The following JMY variants were observed in gnomAD, a reference collection of about 807,000 sequenced individuals.
JMY encodes junction-mediating and -regulatory protein.
JMY carries 46 observed loss-of-function variants against 103.3 expected under a neutral mutation model. The observed-to-expected ratio is 0.45, with a 90% confidence interval of 0.35 to 0.57. The LOEUF (loss-of-function observed/expected upper bound fraction) is 0.57, where lower values mean the gene tolerates loss of function less well. Ranked by LOEUF, JMY falls within the 20% of genes least tolerant of loss-of-function variation. JMY has a pLI of 0.00. For synonymous variants in JMY, 526 were observed against 489.3 expected, an observed-to-expected ratio of 1.07 and a Z score of -0.99; for missense variants, 1,238 against 1,255.2, an observed-to-expected ratio of 0.99 and a Z score of 0.21.
intron 1 of JMY, among the ~76,000 whole-genome samples, chr5:79,265,576 G>C (rs1189042550): frequency 6.6e-6 from 1 of 151,680 alleles, no homozygotes; most frequent in East Asian, 1.9e-4. Context: ...ATTGAACTCT[G>C]TAGACTAAAG....
intron 1 of JMY, among the ~76,000 whole-genome samples, chr5:79,242,812 C>G (rs552568475): frequency 1.4e-5 from 2 of 147,144 alleles, no homozygotes; most frequent in Admixed American, 1.4e-4. Flanking sequence ...AAGACAGTGT[C>G]TCACTCTGTT....
At chr5:79,304,190 T>G (rs911942762) in intron 6 of JMY, among the ~76,000 whole-genome samples, 1 of 152,018 alleles carries the variant, frequency 6.6e-6, no homozygotes, top group African/African-American at 2.4e-5. Flanking sequence ...GCCCAGCAAC[T>G]GAGGTGGCAG....
chr5:79,291,194 T>C lies in JMY; in HGVS notation c.1422T>C (p.Ala474=). ...KFGKASWAAA[A]ERMEKLQYAV... ...GTAAAGCATCATGGGCAGCGGCTGC[T>C]GAACGGATGGAAAAACTCCAGTATG... Residue 474 remains alanine (A), a synonymous_variant, in exon 4 of 11, where the codon GCT becomes GCC. Transcript: ENST00000396137. The C allele has an allele frequency of 6.2e-7, 1 of 1,613,460 alleles. No homozygotes were observed. The highest frequency in any genetic ancestry group is 8.5e-7 in the Non-Finnish European group (1 of 1,179,730).
In JMY at chr5:79,236,630, C is replaced by T. The variant is rs1744510552; in HGVS notation, c.-21C>T. On this transcript the variant is annotated 5_prime_UTR_variant, in exon 1 of 11. Coordinates refer to ENST00000396137, the MANE Select transcript of JMY (RefSeq NM_152405.5). ...GGGCCGGGCCGGCGGCCCTTCCCCG[C>T]GGCGAGAAGCCGGAGCCACCATGTC... The T allele has an allele frequency of 1.5e-6, 2 of 1,368,276 alleles. No individual in the cohort carries two copies. The highest frequency in any genetic ancestry group is 1.5e-5 in the African/African-American group (1 of 67,256). The allele number at this position is 1,368,276 out of a possible 1,614,324, so 84.8% of individuals were successfully genotyped here.
chr5:79,284,027 C>T, intron 2 of JMY: 1 of 706,880 alleles, frequency 1.4e-6, no homozygotes, highest in Non-Finnish European at 2.2e-6. Context: ...AGATATTAAT[C>T]CAACAGCAAG....
At chr5:79,314,064 G>A (rs1445201032) in intron 8 of JMY, among the ~76,000 whole-genome samples, 193 bp from the exon 9 acceptor site, 6 of 152,246 alleles carry the variant, frequency 3.9e-5, no homozygotes, top group Non-Finnish European at 7.4e-5. Flanking sequence ...TCACCATGTC[G>A]GCCAGGCTGG....
chr5:79,257,289 A>G (rs911626288), intron 1 of JMY, among the ~76,000 whole-genome samples: 7 of 152,092 alleles, frequency 4.6e-5, no homozygotes, highest in African/African-American at 9.7e-5. Flanking sequence ...TTCCCTATAG[A>G]AAGTCATTTC....
rs1744572119 is a variant in JMY at position 79,237,781 on chromosome 5, C to T, written c.1032+99C>T. ...TCGGTGTCGGGTGTGCGCAGTAGGA[C>T]GGTTGTTTTTCTGGACAAGCGGAAA... is the stretch of plus-strand genomic sequence containing the variant. On this transcript the variant is annotated intron_variant, in intron 1 of 10. Transcript: ENST00000396137. 3.6e-6 allele frequency: 4 copies of T among 1,096,414 alleles called. No homozygotes were observed. In the East Asian group the frequency reaches 1.0e-4, roughly 28 times the overall value. 67.9% of individuals were successfully genotyped at this position (1,096,414 alleles called of 1,614,324 possible).
intron 1 of JMY, among the ~76,000 whole-genome samples, chr5:79,266,309 T>C (rs1021268960): frequency 6.6e-6 from 1 of 152,258 alleles, no homozygotes; most frequent in Non-Finnish European, 1.5e-5. Flanking sequence ...AATGTCTACC[T>C]AGTGGTAGAA....
rs534991439 is a variant in JMY, at chr5:79,253,441, C to T, written c.1032+15759C>T. Among the ~76,000 whole-genome samples the T allele has an allele frequency of 9.9e-5, 15 of 152,034 alleles. No homozygotes were observed. In the South Asian group the frequency reaches 2.3e-3, roughly 23 times the overall value. On this transcript the variant is annotated intron_variant, in intron 1 of 10. Transcript: ENST00000396137. ...CTGAGTAGTTGGGATTACAGGCATC[C>T]GCCACCAAGCCCAGCTGGTTTTTTG...
chr5:79,281,932 G>T (rs1038735693), intron 2 of JMY, among the ~76,000 whole-genome samples: 1 of 152,156 alleles, frequency 6.6e-6, no homozygotes, highest in Non-Finnish European at 1.5e-5. Flanking sequence ...TAGGCCAGGT[G>T]TAGTGGCTCA....
Position 79,237,630 on chromosome 5 carries a change from G to A in JMY, c.980G>A (p.Arg327Gln), listed in dbSNP as rs1424738372. The change falls in exon 1 of 11, where the codon CGG (arginine) becomes CAG (glutamine). Residue 327 changes from arginine to glutamine, a missense_variant. Transcript: ENST00000396137. ...EEYYESLSELRQKGYEEVLQR... is the reference protein window; with the variant it reads ...EEYYESLSELQQKGYEEVLQR... ...TATTACGAAAGCCTCAGCGAGCTGC[G>A]GCAGAAGGGCTACGAAGAAGTGCTT... 2 of 1,613,756 alleles carry A rather than the reference G, an allele frequency of 1.2e-6. No individual in the cohort carries two copies. Among genetic ancestry groups the A allele is most frequent in the South Asian group, 1.1e-5 (1 of 91,070 alleles).
rs772760305 is a variant in JMY at position 79,314,625 on chromosome 5, ACCACCTCCC to A, written c.2442_2450del (p.Pro823_Pro825del). On this transcript the variant is annotated inframe_deletion, in exon 9 of 11. Transcript: ENST00000396137. The stretch of plus-strand genomic sequence containing the variant: ...TCCCATCCCCTCTTCCTCCAACACC[ACCACCTCCC>A]CCACCTCCTCCCCCTCCCCCACCAC... 8.0e-6 allele frequency: 11 copies of A among 1,367,416 alleles called. No individual in the cohort carries two copies. Among genetic ancestry groups the A allele is most frequent in the South Asian group, 1.2e-5 (1 of 85,600 alleles). 84.7% of individuals were successfully genotyped at this position (1,367,416 alleles called of 1,614,324 possible).
At chr5:79,280,546 A>G (rs1746075224) in intron 2 of JMY, among the ~76,000 whole-genome samples, 1 of 152,206 alleles carries the variant, frequency 6.6e-6, no homozygotes, top group African/African-American at 2.4e-5. Context: ...AAAATGCCCC[A>G]TCAATCATGA....
chr5:79,246,345 A>G (rs1324242518), intron 1 of JMY, among the ~76,000 whole-genome samples: 4 of 152,182 alleles, frequency 2.6e-5, no homozygotes, highest in Non-Finnish European at 4.4e-5. Context: ...CAAGTTTTCA[A>G]TAACTGCAAT....
At chr5:79,238,406 A>C (rs1744590870) in intron 1 of JMY, among the ~76,000 whole-genome samples, 1 of 152,090 alleles carries the variant, frequency 6.6e-6, no homozygotes, top group African/African-American at 2.4e-5. Context: ...AAATAACAAA[A>C]AAAAAGTGGA....
chr5:79,250,764 CT>C (rs1012410112), intron 1 of JMY, among the ~76,000 whole-genome samples: 11 of 146,554 alleles, frequency 7.5e-5, no homozygotes, highest in African/African-American at 7.5e-5. Flanking sequence ...ATTATACCTA[CT>C]TTTTTTTTAA....
chr5:79,236,612 G>T lies in JMY; in HGVS notation c.-39G>T, dbSNP rs185760926. The T allele has an allele frequency of 2.2e-6, 3 of 1,345,634 alleles. No individual in the cohort carries two copies. The highest frequency in any genetic ancestry group is 2.9e-6 in the Non-Finnish European group (3 of 1,036,542). 83.4% of individuals were successfully genotyped at this position (1,345,634 alleles called of 1,614,324 possible). A position where few individuals can be genotyped will look rare whatever the true frequency, so the allele number is the denominator to read the frequency against. Reference sequence around the variant, plus strand: ...AGCGGGGAGTCCTCGGGCGGGCCGGGCCGGCGGCCCTTCCCCGCGGCGAGA... The same window carrying T: ...AGCGGGGAGTCCTCGGGCGGGCCGGTCCGGCGGCCCTTCCCCGCGGCGAGA... On this transcript the variant is annotated 5_prime_UTR_variant, in exon 1 of 11. Coordinates refer to ENST00000396137, the MANE Select transcript of JMY (RefSeq NM_152405.5).
At chr5:79,308,393 GA>G (rs1746949883) in intron 7 of JMY, among the ~76,000 whole-genome samples, 1 of 152,150 alleles carries the variant, frequency 6.6e-6, no homozygotes, top group Non-Finnish European at 1.5e-5. Context: ...TAATTTTTGT[GA>G]AGGGTATAAG....
Sources: gnomAD v4.1 joint callset for allele counts (sites outside exome capture counted in the v4.1 genomes callset) on GRCh38, gnomAD v4.1.1 for gene constraint, MANE v1.5 for transcripts, NCBI Gene and HGNC (gene_info 2026-07-23, HGNC 2026-07-21) for gene names.